TECPR1: variants seen among roughly 807,000 people sequenced by gnomAD.
The protein encoded by TECPR1 is tectonin beta-propeller repeat containing 1.
A neutral mutation model predicts 162.4 loss-of-function variants in TECPR1; 122 were observed. The ratio of observed to expected loss-of-function variants is 0.75; its 90% CI spans 0.65 to 0.87. TECPR1 has a LOEUF of 0.87. Among genes scored for constraint, TECPR1 ranks in the 40% least tolerant of loss-of-function variants. The pLI is 0.00. For missense variants in TECPR1, 1,432 were observed against 1,618.2 expected (o/e 0.88, Z 1.97); for synonymous variants, 642 against 670.6 (o/e 0.96, Z 0.66).
At chr7:98,223,825 G>T (rs1357930009) in intron 19 of TECPR1, 107 bp from the exon 20 acceptor site, 36 of 1,248,470 alleles carry the variant, frequency 2.9e-5, no homozygotes, top group Admixed American at 1.1e-4. Flanking sequence ...ATGGGGACTG[G>T]GTGGAAGCCA....
At chr7:98,228,625 C>T (rs1226339391) in intron 16 of TECPR1, 1 of 211,686 alleles carries the variant, frequency 4.7e-6, no homozygotes, top group Non-Finnish European at 9.7e-6. Flanking sequence ...AGCTGCTCCC[C>T]CGTGGGGCAT....
chr7:98,228,159 C>T, intron 16 of TECPR1, 43 bp from the exon 17 acceptor site: 2 of 1,443,308 alleles, frequency 1.4e-6, no homozygotes, highest in Non-Finnish European at 1.9e-6. Context: ...CACATACGCT[C>T]CGCTTGGGAC....
rs1032702805 is a variant in TECPR1 at position 98,219,288 on chromosome 7, T to TA, written c.3158-1247dup. On this transcript the variant is annotated intron_variant, in intron 23 of 25. Transcript: ENST00000447648. ...TAGACCTAAAACCATACAAATTCTA[T>TA]AAAAAAAACCTAGGAAAAACTATTC... is the stretch of plus-strand genomic sequence containing the variant. Among the ~76,000 whole-genome samples, 97 of 151,884 alleles carry TA rather than the reference T, an allele frequency of 6.4e-4. 1 individual carries two copies. The highest frequency in any genetic ancestry group is 2.1e-3 in the African/African-American group (86 of 41,420).
In TECPR1 at chr7:98,246,007, C is replaced by A; in HGVS notation, c.140G>T (p.Gly47Val). ...RVSATTQCCW[G>V]IACDNQVYVY... Reference sequence around the variant, plus strand: ...GTAGACCTGGTTGTCACAGGCAATGCCCCAGCAGCACTGCGTGGTGGCGCT... The same window carrying A: ...GTAGACCTGGTTGTCACAGGCAATGACCCAGCAGCACTGCGTGGTGGCGCT... Residue 47 changes from glycine (G) to valine (V), a missense_variant, in exon 3 of 26, where the codon GGC (glycine) becomes GTC (valine). By Grantham distance (109) the Gly-to-Val change is moderately radical. Coordinates refer to ENST00000447648, the MANE Select transcript of TECPR1 (RefSeq NM_015395.3). The A allele has an allele frequency of 1.2e-6, 2 of 1,603,842 alleles. No homozygotes were observed. Among genetic ancestry groups the A allele is most frequent in the African/African-American group, 1.3e-5 (1 of 74,864 alleles).
chr7:98,227,391 CA>C (rs199953374), intron 17 of TECPR1, among the ~76,000 whole-genome samples: 406 of 118,708 alleles, frequency 3.4e-3, no homozygotes, highest in African/African-American at 5.4e-3. Context: ...GACTCGGTCT[CA>C]AAAAAAAAAA....
rs1388402400 is a variant in TECPR1 at position 98,243,740 on chromosome 7, T to C, written c.532-148A>G. 1.2e-5 allele frequency: 14 copies of C among 1,120,026 alleles called. No individual in the cohort carries two copies. In the East Asian group the frequency reaches 3.4e-4, roughly 27 times the overall value. 69.4% of individuals were successfully genotyped at this position (1,120,026 alleles called of 1,614,324 possible). On this transcript the variant is annotated intron_variant, in intron 5 of 25. Coordinates refer to ENST00000447648, the MANE Select transcript of TECPR1 (RefSeq NM_015395.3). The stretch of plus-strand genomic sequence containing the variant: ...TTCACAGGGAAGGCAGCATCAGGAC[T>C]GTGGGGGCCCCTGCCCGGCTAATTT...
chr7:98,228,931 G>T (rs1029890155), intron 16 of TECPR1, 108 bp downstream of exon 16: 2 of 1,416,352 alleles, frequency 1.4e-6, no homozygotes, highest in African/African-American at 1.4e-5. Flanking sequence ...GCTGTTAGCC[G>T]AGTGTGAACA....
Position 98,246,033 on chromosome 7 carries a change from G to C in TECPR1, c.114C>G (p.Val38=), listed in dbSNP as rs376010240. ...CKDSQLEFKR[V]SATTQCCWGI... Reference sequence around the variant, plus strand: ...CCCAGCAGCACTGCGTGGTGGCGCTGACGCGCTTGAACTCCAGCTGGGAGT... The same window carrying C: ...CCCAGCAGCACTGCGTGGTGGCGCTCACGCGCTTGAACTCCAGCTGGGAGT... Residue 38 remains valine, a synonymous_variant, in exon 3 of 26, where the codon GTC becomes GTG. Coordinates refer to ENST00000447648, the MANE Select transcript of TECPR1 (RefSeq NM_015395.3). 5.0e-6 allele frequency: 8 copies of C among 1,589,908 alleles called. No individual in the cohort carries two copies. In the African/African-American group the frequency reaches 9.4e-5, roughly 19 times the overall value.
In TECPR1 at chr7:98,244,653, T is replaced by C. The variant is rs757522230; in HGVS notation, c.449A>G (p.Lys150Arg). Residue 150 changes from lysine to arginine, a missense_variant, in exon 5 of 26, where the codon AAA becomes AGA. Coordinates refer to ENST00000447648, the MANE Select transcript of TECPR1 (RefSeq NM_015395.3). Reference protein sequence around the residue: ...YAIDFPATYTKDKKWNSCVRR... With the variant: ...YAIDFPATYTRDKKWNSCVRR... Reference sequence around the variant, plus strand: ...CACACAAGAATTCCACTTCTTGTCTTTCGTGTAGGTGGCGGGAAAGTCGAT... The same window carrying C: ...CACACAAGAATTCCACTTCTTGTCTCTCGTGTAGGTGGCGGGAAAGTCGAT... 6.2e-7 allele frequency: 1 copy of C among 1,612,906 alleles called. No homozygotes were observed. Among genetic ancestry groups the C allele is most frequent in the Non-Finnish European group, 8.5e-7 (1 of 1,179,538 alleles).
At chr7:98,230,015 G>C (rs1257067023) in intron 15 of TECPR1, among the ~76,000 whole-genome samples, 5 of 148,634 alleles carry the variant, frequency 3.4e-5, no homozygotes, top group African/African-American at 1.2e-4. Context: ...TTCTGAGACA[G>C]GGTCTCGCTG....
chr7:98,233,238 T>C, intron 11 of TECPR1, 183 bp downstream of exon 11: 1 of 917,258 alleles, frequency 1.1e-6, no homozygotes, highest in South Asian at 2.4e-5. Flanking sequence ...CCTGACAGCC[T>C]CGGGCTGGTC....
chr7:98,246,087 T>C lies in TECPR1; in HGVS notation c.60A>G (p.Thr20=), dbSNP rs1468186391. Residue 20 remains threonine (T), a synonymous_variant, in exon 3 of 26, where the codon ACA becomes ACG. Transcript: ENST00000447648. ...TGCACATTTCCCAGTACTGGCCTGCTGTGGACAGCGTGTACACTCTCCCGA... is the reference window on the plus strand; with the variant it reads ...TGCACATTTCCCAGTACTGGCCTGCCGTGGACAGCGTGTACACTCTCCCGA... The part of the protein sequence containing the change: ...DLFGRVYTLS[T]AGQYWEMCKD... The C allele has an allele frequency of 1.3e-6, 2 of 1,562,034 alleles. No homozygotes were observed. Among genetic ancestry groups the C allele is most frequent in the South Asian group, 2.4e-5 (2 of 84,838 alleles).
chr7:98,231,058 G>T lies in TECPR1; in HGVS notation c.2185C>A (p.Gln729Lys). 2 of 1,610,182 alleles carry T rather than the reference G, an allele frequency of 1.2e-6. No individual in the cohort carries two copies. The highest frequency in any genetic ancestry group is 1.7e-6 in the Non-Finnish European group (2 of 1,178,722). Residue 729 changes from glutamine (Q) to lysine (K), a missense_variant, in exon 15 of 26, where the codon CAG (glutamine) becomes AAG (lysine). Physicochemically the swap from Gln to Lys is moderately conservative, Grantham distance 53 (BLOSUM62 1). Transcript: ENST00000447648. ...TTGCAGGTGATGGACCAGATGGCCT[G>T]CGGGGACGGGCGGCCCTGCACCTTC... The part of the protein sequence containing the change: ...SRKVQGRPSP[Q>K]AIWSITCKGD...
rs1015388695 is a variant in TECPR1, at chr7:98,215,472, C to T, written c.*1918G>A. 19 of 152,228 alleles carry T rather than the reference C, an allele frequency of 1.2e-4. No homozygotes were observed. Among genetic ancestry groups the T allele is most frequent in the East Asian group, 5.8e-4 (3 of 5,200 alleles). The allele number at this position is 152,228 out of a possible 1,614,324, so 9.4% of individuals were successfully genotyped here. A position where few individuals can be genotyped will look rare whatever the true frequency, so the allele number is the denominator to read the frequency against. On this transcript the variant is annotated 3_prime_UTR_variant, in exon 26 of 26. Transcript: ENST00000447648. ...TGCTTCAGGCACACGGGGAACCACG[C>T]GTTTTAATCAACGTATCGATAAAAA...
rs1468270704 is a variant in TECPR1 at position 98,217,589 on chromosome 7, G to A, written c.3385-86C>T. ...TGCCTGGGGGCCTCCCTGCAACCCA[G>A]ACACCGGGTCCCAGGGGACAGTCCC... On this transcript the variant is annotated intron_variant, in intron 25 of 25. Transcript: ENST00000447648. 4 of 1,536,380 alleles carry A rather than the reference G, an allele frequency of 2.6e-6. No homozygotes were observed. In the East Asian group the frequency reaches 9.8e-5, roughly 38 times the overall value.
At chr7:98,240,043 AG>A (rs1250869906) in intron 8 of TECPR1, among the ~76,000 whole-genome samples, 2 of 152,138 alleles carry the variant, frequency 1.3e-5, no homozygotes, top group Admixed American at 1.3e-4. Context: ...CGGGAGGCGG[AG>A]CTTGGAGTGA....
chr7:98,230,176 CTT>C (rs879558249), intron 15 of TECPR1, among the ~76,000 whole-genome samples: 1 of 145,090 alleles, frequency 6.9e-6, no homozygotes, highest in Non-Finnish European at 1.5e-5. Flanking sequence ...TTTTTGGTTT[CTT>C]TTTTTTTTTG....
intron 23 of TECPR1, among the ~76,000 whole-genome samples, chr7:98,218,779 G>A (rs1409430673): frequency 1.3e-5 from 2 of 151,988 alleles, no homozygotes; most frequent in African/African-American, 2.4e-5. Flanking sequence ...ATGAATCAGT[G>A]GAAGAATCAA....
chr7:98,243,378 G>A, intron 6 of TECPR1, 89 bp downstream of exon 6: 1 of 1,534,520 alleles, frequency 6.5e-7, no homozygotes, highest in Non-Finnish European at 8.8e-7. Context: ...GGGGCTCCGG[G>A]GAGGAGCAAG....
Sources: allele counts gnomAD v4.1 joint callset (sites outside exome capture counted in the v4.1 genomes callset), GRCh38; gene constraint gnomAD v4.1.1; transcripts MANE v1.5; gene names NCBI Gene and HGNC (gene_info 2026-07-23, HGNC 2026-07-21).